The following HOXC4 variants were observed in gnomAD, a reference collection of about 807,000 sequenced individuals.
HOXC4 encodes homeobox C4.
Under a neutral mutation model 25.5 loss-of-function variants are expected in HOXC4, and 15 were observed. The ratio of observed to expected loss-of-function variants is 0.59; its 90% CI spans 0.39 to 0.91. The LOEUF is 0.91. Among genes scored for constraint, HOXC4 ranks in the 40% least tolerant of loss-of-function variants. The pLI is 0.00. For missense variants in HOXC4, 342 were observed against 352.4 expected (o/e 0.97, Z 0.24); for synonymous variants, 165 against 148.0 (o/e 1.11, Z -0.83).
chr12:54,034,034 C>A, intron 1 of HOXC4: 1 of 692,854 alleles, frequency 1.4e-6, no homozygotes, highest in Non-Finnish European at 2.7e-6. Flanking sequence ...TCCCTCTTCC[C>A]CCCAACCCCC....
chr12:54,033,367 CG>C, intron 1 of HOXC4: 1 of 1,612,778 alleles, frequency 6.2e-7, no homozygotes, highest in Non-Finnish European at 8.5e-7. Context: ...GCGGCCGCTC[CG>C]GGACACGCTC....
chr12:54,043,554 C>T (rs1941308477), intron 1 of HOXC4, among the ~76,000 whole-genome samples: 1 of 152,180 alleles, frequency 6.6e-6, no homozygotes, highest in African/African-American at 2.4e-5. Context: ...TTCTTCCCGT[C>T]AGCCCAGCTT....
chr12:54,022,555 T>C (rs113899846), intron 1 of HOXC4: 6 of 152,156 alleles, frequency 3.9e-5, no homozygotes, highest in African/African-American at 1.4e-4. Context: ...AATGGTTCTT[T>C]CAGATCTGCA....
intron 1 of HOXC4, among the ~76,000 whole-genome samples, chr12:54,037,222 A>C (rs1345361644): frequency 6.6e-6 from 1 of 152,224 alleles, no homozygotes; most frequent in African/African-American, 2.4e-5. Context: ...AGGGTGCATA[A>C]GGCCCAGATC....
chr12:54,028,826 A>G, intron 1 of HOXC4: 1 of 1,614,210 alleles, frequency 6.2e-7, no homozygotes, highest in East Asian at 2.2e-5. Context: ...TCAATCGCTC[A>G]GGATTTTAGT....
chr12:54,025,589 A>G (rs1468936803), intron 1 of HOXC4, among the ~76,000 whole-genome samples: 2 of 148,732 alleles, frequency 1.3e-5, no homozygotes, highest in African/African-American at 2.5e-5. Flanking sequence ...GGAGGAATTT[A>G]TTTGTATTTC....
intron 1 of HOXC4, chr12:54,030,791 T>C (rs1043470721): frequency 6.6e-6 from 1 of 152,390 alleles, no homozygotes; most frequent in Non-Finnish European, 1.5e-5. Context: ...TTCTCGAATA[T>C]TTAATAAAAC....
At chr12:54,046,294 TC>T (rs2136460665) in intron 1 of HOXC4, among the ~76,000 whole-genome samples, 1 of 152,264 alleles carries the variant, frequency 6.6e-6, no homozygotes, top group South Asian at 2.1e-4. Flanking sequence ...ACTCCTCGGC[TC>T]CTTTGGCTTC....
chr12:54,020,451 T>C (rs1236753548), intron 1 of HOXC4: 1 of 152,206 alleles, frequency 6.6e-6, no homozygotes, highest in Admixed American at 6.5e-5. Flanking sequence ...GGTCTGACAG[T>C]TGTGATCCCG....
At chr12:54,028,690 C>T (rs755689517) in intron 1 of HOXC4, 2 of 1,614,048 alleles carry the variant, frequency 1.2e-6, no homozygotes, top group Non-Finnish European at 1.7e-6. Flanking sequence ...CTTTTATTCG[C>T]CACAGGAGAA....
chr12:54,042,801 C>T (rs904629430), intron 1 of HOXC4, among the ~76,000 whole-genome samples: 2 of 152,176 alleles, frequency 1.3e-5, no homozygotes, highest in Admixed American at 1.3e-4. Context: ...AAGTCACATC[C>T]TTTCCTACCC....
upstream of HOXC4, among the ~76,000 whole-genome samples, chr12:54,051,434 C>T (rs869108409): frequency 4.0e-5 from 6 of 151,734 alleles, no homozygotes; most frequent in Non-Finnish European, 7.4e-5. Context: ...TAAGACAACC[C>T]CACACAACCC....
intron 1 of HOXC4, chr12:54,033,040 A>T: frequency 8.8e-7 from 1 of 1,140,020 alleles, no homozygotes; most frequent in East Asian, 2.4e-5. Flanking sequence ...CACTTTGGAG[A>T]ACAAAAAACC....
chr12:54,034,896 C>T (rs1941143109), intron 1 of HOXC4: 1 of 238,798 alleles, frequency 4.2e-6, no homozygotes. Flanking sequence ...ACCCTCTAAC[C>T]TCGCCCTCTC....
intron 1 of HOXC4, chr12:54,033,614 C>T (rs1281190976): frequency 2.0e-6 from 3 of 1,484,198 alleles, no homozygotes; most frequent in African/African-American, 1.4e-5. Context: ...CTCGGGTCCG[C>T]CTGGGTTTTA....
At chr12:54,041,711 T>G (rs947018248) in intron 1 of HOXC4, among the ~76,000 whole-genome samples, 8 of 152,226 alleles carry the variant, frequency 5.3e-5, no homozygotes, top group Admixed American at 2.0e-4. Context: ...AGTTTCACTC[T>G]TGTCGCCCCG....
intron 1 of HOXC4, chr12:54,029,827 C>A: frequency 6.2e-7 from 1 of 1,614,068 alleles, no homozygotes; most frequent in Non-Finnish European, 8.5e-7. Context: ...GGTTCCAGAA[C>A]CGCCGGATGA....
In HOXC4 at chr12:54,028,261, A is replaced by ATTT. The variant is rs770385019; in HGVS notation, c.-124+10848_-124+10849insTTT. 153 of 214,016 alleles carry ATTT rather than the reference A, an allele frequency of 7.1e-4. 2 individuals carry two copies. Among genetic ancestry groups the ATTT allele is most frequent in the African/African-American group, 3.5e-3 (145 of 41,982 alleles). The allele number at this position is 214,016 out of a possible 1,614,324, so 13.3% of individuals were successfully genotyped here. A position where few individuals can be genotyped will look rare whatever the true frequency, so the allele number is the denominator to read the frequency against. The stretch of plus-strand genomic sequence containing the variant: ...AGTTCCCTTACATATATATATATAT[A>ATTT]TATATATTTTTTAAAAGAAATCCAA... On this transcript the variant is annotated intron_variant, in intron 1 of 3. Coordinates refer to the HOXC4 transcript ENST00000303406.
At chr12:54,033,679 C>A in intron 1 of HOXC4, 1 of 1,038,792 alleles carries the variant, frequency 9.6e-7, no homozygotes, top group Non-Finnish European at 1.4e-6. Context: ...ATTTTACGAT[C>A]CAGGCATCAA....
Sources: allele counts gnomAD v4.1 joint callset (sites outside exome capture counted in the v4.1 genomes callset), GRCh38; gene constraint gnomAD v4.1.1; transcripts MANE v1.5; gene names NCBI Gene and HGNC (gene_info 2026-07-23, HGNC 2026-07-21).